The following TLN2 variants were observed in gnomAD, a reference collection of about 807,000 sequenced individuals.
TLN2 encodes talin 2, also known as talin-2.
A neutral mutation model predicts 294.7 loss-of-function variants in TLN2; 118 were observed. The observed-to-expected ratio is 0.40, with a 90% CI of 0.34 to 0.47. TLN2 has a LOEUF of 0.47. Among genes scored for constraint, TLN2 ranks in the 20% least tolerant of loss-of-function variants. The probability of loss-of-function intolerance (pLI) is 0.84; values close to 1 mark genes in which losing one functional copy is unlikely to be tolerated. For missense variants in TLN2, 3,083 were observed against 3,282.2 expected (o/e 0.94, Z 1.48); for synonymous variants, 1,431 against 1,304.5 (o/e 1.10, Z -2.09).
intron 1 of TLN2, among the ~76,000 whole-genome samples, chr15:62,408,082 C>A (rs980337705): frequency 6.6e-6 from 1 of 152,140 alleles, no homozygotes; most frequent in African/African-American, 2.4e-5. Flanking sequence ...TCTGCCCACA[C>A]CATGCTAATT....
rs190133163 is a variant in TLN2 at position 62,400,312 on chromosome 15, G to A, written c.-238+9627G>A. On this transcript the variant is annotated intron_variant, in intron 1 of 58. Transcript: ENST00000636159. ...CAGTCTTGGATATGTCCTTATAGTAGTGTGAGAATGGATTAATACAGGTGA... is the reference window on the plus strand; with the variant it reads ...CAGTCTTGGATATGTCCTTATAGTAATGTGAGAATGGATTAATACAGGTGA... 3.1e-3 allele frequency among the ~76,000 whole-genome samples: 465 copies of A among 152,344 alleles called. 3 individuals are homozygous for A. Among genetic ancestry groups the A allele is most frequent in the African/African-American group, 0.011 (455 of 41,572 alleles).
intron 1 of TLN2, among the ~76,000 whole-genome samples, chr15:62,505,900 T>A (rs1403955388): frequency 6.6e-6 from 1 of 152,168 alleles, no homozygotes; most frequent in Non-Finnish European, 1.5e-5. Context: ...TAGCCAAATG[T>A]CATTGAACCT....
At chr15:62,680,138 AT>A (rs2141024307) in intron 11 of TLN2, among the ~76,000 whole-genome samples, 1 of 152,306 alleles carries the variant, frequency 6.6e-6, no homozygotes, top group Admixed American at 6.5e-5. Context: ...TTTCAAAATC[AT>A]TTTAGCCATT....
intron 41 of TLN2, among the ~76,000 whole-genome samples, chr15:62,769,218 A>G (rs1441507657): frequency 6.6e-6 from 1 of 152,278 alleles, no homozygotes; most frequent in Non-Finnish European, 1.5e-5. Flanking sequence ...CCTTTAGGAC[A>G]TAAAGGACCA....
rs765794492 is a variant in TLN2, at chr15:62,656,056, C to A, written c.630C>A (p.Asp210Glu). 1.2e-6 allele frequency: 2 copies of A among 1,614,156 alleles called. No homozygotes were observed. Among genetic ancestry groups the A allele is most frequent in the Non-Finnish European group, 1.7e-6 (2 of 1,180,026 alleles). ...FYSDQNVDSR[D>E]PVQLNLLYVQ... ...CTGATCAGAATGTAGATTCGAGAGA[C>A]CCCGTGCAGCTGAACTTGCTTTATG... The change falls in exon 8 of 59, where the codon GAC (aspartate) becomes GAA (glutamate). Residue 210 changes from aspartate to glutamate, a missense_variant. Coordinates refer to ENST00000636159, the MANE Select transcript of TLN2 (RefSeq NM_015059.3).
chr15:62,798,011 C>T (rs985200636), intron 48 of TLN2, among the ~76,000 whole-genome samples: 1 of 152,112 alleles, frequency 6.6e-6, no homozygotes, highest in Non-Finnish European at 1.5e-5. Flanking sequence ...GGAGGAAAGC[C>T]GCGGGCATCA....
At chr15:62,643,442 G>GTTTTTTTTTTTTTTTTTTTT (rs2051408912) in intron 3 of TLN2, among the ~76,000 whole-genome samples, 1 of 68,476 alleles carries the variant, frequency 1.5e-5, no homozygotes, top group African/African-American at 6.4e-5. Flanking sequence ...TTTTTTTTTG[G>GTTTTTTTTTTTTTTTTTTTT]TATATTGTGT....
chr15:62,522,941 T>TACACACACACACACAC (rs71129007), intron 1 of TLN2, among the ~76,000 whole-genome samples: 10 of 133,084 alleles, frequency 7.5e-5, no homozygotes, highest in Admixed American at 7.6e-5. Flanking sequence ...GAATGTGGCT[T>TACACACACACACACAC]ACACACACAC....
chr15:62,505,203 C>T (rs1365749546), intron 1 of TLN2, among the ~76,000 whole-genome samples: 2 of 152,096 alleles, frequency 1.3e-5, no homozygotes, highest in Admixed American at 6.6e-5. Context: ...GTGATCCGCC[C>T]ACCTCGGCCT....
At chr15:62,435,895 C>T (rs991846600) in intron 1 of TLN2, among the ~76,000 whole-genome samples, 1 of 152,154 alleles carries the variant, frequency 6.6e-6, no homozygotes, top group Non-Finnish European at 1.5e-5. Flanking sequence ...TGAATACTTT[C>T]CCTCATTTTG....
chr15:62,761,738 C>T lies in TLN2; in HGVS notation c.4696C>T (p.Pro1566Ser), dbSNP rs770078769. The part of the protein sequence containing the change: ...NRNKCRIATA[P>S]LIEAVENLTA... ...CAATAAGTGTCGCATCGCCACCGCACCCTTGATTGAAGCTGTGGAGAACCT... is the reference window on the plus strand; with the variant it reads ...CAATAAGTGTCGCATCGCCACCGCATCCTTGATTGAAGCTGTGGAGAACCT... The change falls in exon 38 of 59, where the codon CCC becomes TCC. Residue 1566 changes from proline to serine, a missense_variant. Pro to Ser is a moderately conservative substitution (Grantham distance 74). Transcript: ENST00000636159. 4.4e-5 allele frequency: 71 copies of T among 1,614,024 alleles called. 1 individual carries two copies. In the South Asian group the frequency reaches 5.9e-4, roughly 13 times the overall value.
intron 14 of TLN2, among the ~76,000 whole-genome samples, chr15:62,695,020 A>G (rs1175596618): frequency 6.6e-6 from 1 of 152,220 alleles, no homozygotes. Context: ...AATAAAGCAC[A>G]TAAAACAATG....
At chr15:62,491,014 A>C (rs1361265877) in intron 1 of TLN2, among the ~76,000 whole-genome samples, 2 of 152,076 alleles carry the variant, frequency 1.3e-5, no homozygotes, top group Non-Finnish European at 2.9e-5. Flanking sequence ...TTTTACAGAA[A>C]CATAAGACTT....
At chr15:62,511,407 T>G (rs1053612474) in intron 1 of TLN2, among the ~76,000 whole-genome samples, 1 of 152,260 alleles carries the variant, frequency 6.6e-6, no homozygotes, top group African/African-American at 2.4e-5. Context: ...TTTCTTTGAA[T>G]TCTCCCTTTT....
chr15:62,673,212 A>C, intron 9 of TLN2, among the ~76,000 whole-genome samples: 1 of 150,064 alleles, frequency 6.7e-6, no homozygotes, highest in East Asian at 2.0e-4. Flanking sequence ...TACACAGTCA[A>C]AAGACTGTTT....
Position 62,697,754 on chromosome 15 carries a change from G to A in TLN2, c.1359G>A (p.Pro453=), listed in dbSNP as rs767329386. Residue 453 remains proline (P), a synonymous_variant, in exon 15 of 59, where the codon CCG becomes CCA. Coordinates refer to ENST00000636159, the MANE Select transcript of TLN2 (RefSeq NM_015059.3). ...GKAEHGSVAL[P]AVMRSGSSGP... Reference sequence around the variant, plus strand: ...CAGAGCACGGCTCAGTGGCGCTGCCGGCCGTGATGCGCTCGGGCTCCAGCG... The same window carrying A: ...CAGAGCACGGCTCAGTGGCGCTGCCAGCCGTGATGCGCTCGGGCTCCAGCG... The A allele has an allele frequency of 7.4e-6, 12 of 1,612,150 alleles. No individual in the cohort carries two copies. The Admixed American group carries it at 8.3e-5, about 11-fold the overall frequency.
chr15:62,684,658 C>G (rs1031740239), intron 11 of TLN2, among the ~76,000 whole-genome samples: 34 of 151,888 alleles, frequency 2.2e-4, no homozygotes, highest in African/African-American at 8.0e-4. Context: ...AGGATTTGGC[C>G]TTTTCTCTTT....
chr15:62,555,521 G>A (rs1352404459), intron 1 of TLN2, among the ~76,000 whole-genome samples: 5 of 152,130 alleles, frequency 3.3e-5, no homozygotes, highest in Non-Finnish European at 7.4e-5. Context: ...ATGAAATATA[G>A]GTTTTAACTG....
intron 1 of TLN2, among the ~76,000 whole-genome samples, chr15:62,460,558 C>T (rs116780783): frequency 0.012 from 1,765 of 152,240 alleles, 32 homozygotes; most frequent in African/African-American, 0.041. Flanking sequence ...CCACCGTGCC[C>T]GGCACTAGCC....
Sources: allele counts gnomAD v4.1 joint callset (sites outside exome capture counted in the v4.1 genomes callset), GRCh38; gene constraint gnomAD v4.1.1; transcripts MANE v1.5; gene names NCBI Gene and HGNC (gene_info 2026-07-23, HGNC 2026-07-21).